AGK: variants seen among roughly 807,000 people sequenced by gnomAD.
AGK encodes the protein acylglycerol kinase, also known as acylglycerol kinase, mitochondrial.
AGK carries 52 observed loss-of-function variants against 66.4 expected under a neutral mutation model. That is an observed-to-expected ratio of 0.78 (90% CI 0.63 to 0.99). The LOEUF (loss-of-function observed/expected upper bound fraction) is 0.99. AGK is among the 50% of genes least tolerant of loss of function. The pLI is 0.00. For missense variants in AGK, 451 were observed against 506.6 expected (o/e 0.89, Z 1.05); for synonymous variants, 182 against 181.1 (o/e 1.00, Z -0.04).
At chr7:141,615,700 A>G (rs1796688694) in intron 8 of AGK, 135 bp downstream of exon 8, 1 of 717,098 alleles carries the variant, frequency 1.4e-6, no homozygotes, top group Non-Finnish European at 2.4e-6. Context: ...CCTAGATCAG[A>G]GTTCAGCCTT....
At chr7:141,554,579 C>T (rs1054973054) in intron 1 of AGK, among the ~76,000 whole-genome samples, 1 of 152,036 alleles carries the variant, frequency 6.6e-6, no homozygotes, top group Non-Finnish European at 1.5e-5. Context: ...TATTGTGTGC[C>T]GGATCTTACT....
chr7:141,602,549 CAATATTGTTTATT>C (rs1258910256), intron 5 of AGK, among the ~76,000 whole-genome samples: 1 of 151,906 alleles, frequency 6.6e-6, no homozygotes, highest in East Asian at 1.9e-4. Context: ...TTTTCATTCT[CAATATTGTTTATT>C]TGTACCCTCT....
chr7:141,579,447 G>A (rs1334742597), intron 2 of AGK, among the ~76,000 whole-genome samples: 1 of 148,636 alleles, frequency 6.7e-6, no homozygotes, highest in Non-Finnish European at 1.5e-5. Context: ...CAGAAGGGAA[G>A]AAATGATCGC....
chr7:141,557,283 G>C (rs1009948841), intron 2 of AGK, among the ~76,000 whole-genome samples: 2 of 152,156 alleles, frequency 1.3e-5, no homozygotes, highest in African/African-American at 4.8e-5. Flanking sequence ...TCAAGGCCAG[G>C]CATTCAAATT....
At chr7:141,628,901 TG>T (rs1796997999) in intron 9 of AGK, among the ~76,000 whole-genome samples, 1 of 152,220 alleles carries the variant, frequency 6.6e-6, no homozygotes, top group African/African-American at 2.4e-5. Flanking sequence ...AAGTAATTAC[TG>T]GGAAGGTTTA....
At chr7:141,574,606 T>C (rs914860834) in intron 2 of AGK, among the ~76,000 whole-genome samples, 7 of 152,348 alleles carry the variant, frequency 4.6e-5, no homozygotes, top group African/African-American at 9.6e-5. Flanking sequence ...TGAAAAATTC[T>C]GCAGAACAGA....
At chr7:141,572,809 G>C (rs563102636) in intron 2 of AGK, among the ~76,000 whole-genome samples, 11 of 152,230 alleles carry the variant, frequency 7.2e-5, no homozygotes, top group South Asian at 6.2e-4. Flanking sequence ...GCTATGGGGG[G>C]GGGAAATGTG....
chr7:141,615,609 A>T, intron 8 of AGK, 44 bp downstream of exon 8: 1 of 1,484,532 alleles, frequency 6.7e-7, no homozygotes, highest in South Asian at 1.1e-5. Flanking sequence ...GGTGAGCGAG[A>T]CTGGGAATGA....
At chr7:141,634,283 A>T (rs1797121641) in intron 10 of AGK, among the ~76,000 whole-genome samples, 1 of 152,196 alleles carries the variant, frequency 6.6e-6, no homozygotes. Flanking sequence ...GGCTGTAGGG[A>T]GAACTGGATT....
chr7:141,583,742 C>T (rs929023184), intron 2 of AGK, among the ~76,000 whole-genome samples: 17 of 151,702 alleles, frequency 1.1e-4, no homozygotes, highest in African/African-American at 1.7e-4. Flanking sequence ...TTTGGGTTCA[C>T]GGATAAAACA....
At chr7:141,628,700 A>G (rs1317063805) in intron 9 of AGK, among the ~76,000 whole-genome samples, 1 of 152,236 alleles carries the variant, frequency 6.6e-6, no homozygotes, top group African/African-American at 2.4e-5. Flanking sequence ...GGTTAGGGAA[A>G]AAAAGAATCC....
In AGK at chr7:141,595,503, A is replaced by G. The variant is rs1796208966; in HGVS notation, c.142-1059A>G. On this transcript the variant is annotated intron_variant, in intron 3 of 15. Coordinates refer to ENST00000649286, the MANE Select transcript of AGK (RefSeq NM_018238.4). ...TTTGTTTTTAAAGCAAGCAATAGAC[A>G]ATAATAAGAAAGGCTCCAAAATGAA... is the stretch of plus-strand genomic sequence containing the variant. Among the ~76,000 whole-genome samples, 4 of 152,328 alleles carry G rather than the reference A, an allele frequency of 2.6e-5. No individual in the cohort carries two copies. In the South Asian group the frequency reaches 8.3e-4, roughly 32 times the overall value.
At chr7:141,643,409 G>A (rs1418528109) in intron 13 of AGK, among the ~76,000 whole-genome samples, 2 of 152,110 alleles carry the variant, frequency 1.3e-5, no homozygotes, top group Non-Finnish European at 2.9e-5. Context: ...TAAAATTAAG[G>A]AGGACAAGGC....
intron 2 of AGK, among the ~76,000 whole-genome samples, chr7:141,563,402 A>C (rs1036187490): frequency 6.6e-6 from 1 of 152,180 alleles, no homozygotes; most frequent in Non-Finnish European, 1.5e-5. Flanking sequence ...TTATCTGGCT[A>C]TCCAATAAAA....
Position 141,615,504 on chromosome 7 carries a change from C to G in AGK, c.457C>G (p.Pro153Ala), listed in dbSNP as rs755620097. The G allele has an allele frequency of 1.6e-5, 26 of 1,613,702 alleles. No homozygotes were observed. The highest frequency in any genetic ancestry group is 2.2e-5 in the Non-Finnish European group (26 of 1,179,828). ...CAGTAAGATTCCCATTGGATTTATC[C>G]CACTGGGAGAGACCAGTAGTTTGAG... ...TFSKIPIGFI[P>A]LGETSSLSHT... Residue 153 changes from proline to alanine, a missense_variant, in exon 8 of 16, where the codon CCA becomes GCA. Coordinates refer to ENST00000649286, the MANE Select transcript of AGK (RefSeq NM_018238.4).
intron 9 of AGK, among the ~76,000 whole-genome samples, chr7:141,622,440 T>C (rs1041088267): frequency 2.6e-5 from 4 of 152,228 alleles, no homozygotes; most frequent in African/African-American, 7.2e-5. Context: ...TCCAACAGCA[T>C]GTGCTCACTT....
chr7:141,605,186 T>C (rs768745600), intron 5 of AGK, among the ~76,000 whole-genome samples: 2 of 152,196 alleles, frequency 1.3e-5, no homozygotes, highest in African/African-American at 4.8e-5. Flanking sequence ...ATGTAAGGAC[T>C]AGCCTAAAGT....
intron 8 of AGK, among the ~76,000 whole-genome samples, chr7:141,620,324 A>G (rs1019364543): frequency 6.6e-6 from 1 of 152,210 alleles, no homozygotes; most frequent in African/African-American, 2.4e-5. Context: ...TTTACTGTGT[A>G]TATATCATAC....
At chr7:141,582,815 AT>A (rs1488607798) in intron 2 of AGK, among the ~76,000 whole-genome samples, 2 of 151,776 alleles carry the variant, frequency 1.3e-5, no homozygotes, top group East Asian at 3.9e-4. Flanking sequence ...TGATAAAAGG[AT>A]TATAGGGTAG....
Sources: allele counts gnomAD v4.1 joint callset (sites outside exome capture counted in the v4.1 genomes callset), GRCh38; gene constraint gnomAD v4.1.1; transcripts MANE v1.5; gene names NCBI Gene and HGNC (gene_info 2026-07-23, HGNC 2026-07-21).